PHLPP1: variants seen among roughly 807,000 people sequenced by gnomAD.
PHLPP1 encodes PH domain leucine-rich repeat-containing protein phosphatase 1.
PHLPP1 carries 42 observed loss-of-function variants against 117.2 expected under a neutral mutation model. That is an observed-to-expected ratio of 0.36 (90% confidence interval 0.28 to 0.46). The LOEUF is 0.46. PHLPP1 is among the 20% of genes least tolerant of loss of function. PHLPP1 has a pLI of 1.00. For synonymous variants in PHLPP1, 1,042 were observed against 970.7 expected (o/e 1.07, Z -1.37); for missense variants, 2,084 against 2,241.9 (o/e 0.93, Z 1.42).
At chr18:62,894,501 A>C (rs1169140039) in intron 4 of PHLPP1, among the ~76,000 whole-genome samples, 1 of 152,204 alleles carries the variant, frequency 6.6e-6, no homozygotes, top group African/African-American at 2.4e-5. Flanking sequence ...CCAGCTGATA[A>C]TTGGTTCTTA....
rs35511144 is a variant in PHLPP1, at chr18:62,931,599, C to CAA, written c.2961-10108_2961-10107dup. Among the ~76,000 whole-genome samples, 471 of 141,506 alleles carry CAA rather than the reference C, an allele frequency of 3.3e-3. 1 individual carries two copies. Among genetic ancestry groups the CAA allele is most frequent in the Non-Finnish European group, 4.7e-3 (309 of 65,242 alleles). The allele number at this position is 141,506 out of a possible 152,430, so 92.8% of individuals were successfully genotyped here. Reference sequence around the variant, plus strand: ...ATTGATAGACTACTCGCTAGATTAACAAAAAAAAAAAAGGGCCGGGCACGG... The same window carrying CAA: ...ATTGATAGACTACTCGCTAGATTAACAAAAAAAAAAAAAAGGGCCGGGCACGG... On this transcript the variant is annotated intron_variant, in intron 10 of 16. Transcript: ENST00000262719.
At chr18:62,784,464 C>T (rs886395164) in intron 1 of PHLPP1, among the ~76,000 whole-genome samples, 1 of 152,140 alleles carries the variant, frequency 6.6e-6, no homozygotes, top group Admixed American at 6.5e-5. Context: ...GTTTTGTAGC[C>T]ATACCCATAA....
intron 14 of PHLPP1, among the ~76,000 whole-genome samples, chr18:62,971,602 C>T (rs1290529685): frequency 6.6e-6 from 1 of 152,214 alleles, no homozygotes; most frequent in African/African-American, 2.4e-5. Flanking sequence ...CAGCCTCCAC[C>T]TGGGTCTTCC....
intron 1 of PHLPP1, among the ~76,000 whole-genome samples, chr18:62,728,091 T>C (rs950866609): frequency 6.6e-6 from 1 of 152,058 alleles, no homozygotes; most frequent in African/African-American, 2.4e-5. Context: ...TGTCAGGAGC[T>C]TGAGACCAGC....
At chr18:62,931,598 A>AC (rs1909808972) in intron 10 of PHLPP1, among the ~76,000 whole-genome samples, 1 of 106,658 alleles carries the variant, frequency 9.4e-6, no homozygotes, top group South Asian at 2.7e-4. Context: ...CGCTAGATTA[A>AC]CAAAAAAAAA....
At chr18:62,905,559 A>C (rs964347718) in intron 8 of PHLPP1, among the ~76,000 whole-genome samples, 1 of 152,182 alleles carries the variant, frequency 6.6e-6, no homozygotes, top group Non-Finnish European at 1.5e-5. Flanking sequence ...AAGCTCTAAT[A>C]ACTCTTTTCA....
intron 16 of PHLPP1, among the ~76,000 whole-genome samples, chr18:62,976,550 A>G (rs515469): frequency 6.6e-6 from 1 of 152,008 alleles, no homozygotes; most frequent in African/African-American, 2.4e-5. Context: ...TAAAGTTGAA[A>G]TCAGTGCATT....
At chr18:62,955,876 G>T (rs892217248) in intron 12 of PHLPP1, among the ~76,000 whole-genome samples, 1 of 152,038 alleles carries the variant, frequency 6.6e-6, no homozygotes, top group African/African-American at 2.4e-5. Context: ...TGTCCCATCA[G>T]TGTCCAGTAG....
intron 1 of PHLPP1, among the ~76,000 whole-genome samples, chr18:62,744,409 T>C (rs1286267724): frequency 6.6e-6 from 1 of 152,280 alleles, no homozygotes; most frequent in East Asian, 1.9e-4. Context: ...GTATTTGAGC[T>C]GTTTCACTGT....
Position 62,977,477 on chromosome 18 carries a change from G to A in PHLPP1, c.3985-785G>A, listed in dbSNP as rs936408599. 3.3e-5 allele frequency among the ~76,000 whole-genome samples: 5 copies of A among 149,918 alleles called. No individual in the cohort carries two copies. The East Asian group carries it at 7.8e-4, about 23-fold the overall frequency. ...AACCCAGGTCTTTTTATTGGCAAGT[G>A]GTCTGGCACTTTGGTAATTGATTTA... is the stretch of plus-strand genomic sequence containing the variant. On this transcript the variant is annotated intron_variant, in intron 16 of 16. Coordinates refer to ENST00000262719, the MANE Select transcript of PHLPP1 (RefSeq NM_194449.4).
intron 10 of PHLPP1, among the ~76,000 whole-genome samples, chr18:62,921,154 C>T (rs1237511997): frequency 6.6e-6 from 1 of 152,188 alleles, no homozygotes; most frequent in Non-Finnish European, 1.5e-5. Flanking sequence ...GTGCATCATT[C>T]TCAAGTGTTT....
intron 12 of PHLPP1, among the ~76,000 whole-genome samples, chr18:62,948,992 A>C (rs545152805): frequency 1.5e-4 from 23 of 152,280 alleles, no homozygotes; most frequent in Non-Finnish European, 2.6e-4. Flanking sequence ...TAAACTAAGC[A>C]TATTTTTAAT....
chr18:62,970,404 T>G (rs1177038166), intron 14 of PHLPP1, among the ~76,000 whole-genome samples: 1 of 152,212 alleles, frequency 6.6e-6, no homozygotes, highest in African/African-American at 2.4e-5. Flanking sequence ...TGTTGTTGCC[T>G]CCCAATACCC....
intron 12 of PHLPP1, among the ~76,000 whole-genome samples, chr18:62,952,316 A>T (rs1910486578): frequency 1.3e-5 from 2 of 152,224 alleles, no homozygotes; most frequent in African/African-American, 4.8e-5. Context: ...TATACAGGAT[A>T]CATTTTCTTA....
At chr18:62,921,567 CTG>C (rs1355884214) in intron 10 of PHLPP1, among the ~76,000 whole-genome samples, 1 of 152,170 alleles carries the variant, frequency 6.6e-6, no homozygotes, top group Non-Finnish European at 1.5e-5. Context: ...TGGCCAGTGA[CTG>C]TGTCTTAATT....
At chr18:62,920,181 C>A (rs767017564) in intron 10 of PHLPP1, 67 bp downstream of exon 10, 46 of 1,406,260 alleles carry the variant, frequency 3.3e-5, no homozygotes, top group Non-Finnish European at 4.4e-5. Context: ...CTTTGTCTTT[C>A]GTGACCTGAG....
At chr18:62,811,860 C>T (rs1255099718) in intron 1 of PHLPP1, among the ~76,000 whole-genome samples, 1 of 152,090 alleles carries the variant, frequency 6.6e-6, no homozygotes, top group African/African-American at 2.4e-5. Context: ...TGAATCCAGA[C>T]TCAACATATT....
rs1449992516 is a variant in PHLPP1, at chr18:62,716,163, C to G, written c.480C>G (p.Ser160=). ...HSPGAAGLPA[S]CSASASLCTR... is the part of the protein sequence containing the mutation. ...CCGGCGCTGCCGGCCTCCCCGCCTCCTGCTCGGCCTCGGCGTCGCTGTGCA... is the reference window on the plus strand; with the variant it reads ...CCGGCGCTGCCGGCCTCCCCGCCTCGTGCTCGGCCTCGGCGTCGCTGTGCA... The change falls in exon 1 of 17, where the codon TCC becomes TCG. Residue 160 remains serine (S), a synonymous_variant. Coordinates refer to ENST00000262719, the MANE Select transcript of PHLPP1 (RefSeq NM_194449.4). This position sits in a 1 kb window ranked among gnomAD's most constrained non-coding sequence, Gnocchi z 5.7. 17 of 1,518,794 alleles carry G rather than the reference C, an allele frequency of 1.1e-5. No homozygotes were observed. The highest frequency in any genetic ancestry group is 7.7e-5 in the East Asian group (3 of 38,904). 94.1% of individuals were successfully genotyped at this position (1,518,794 alleles called of 1,614,324 possible).
intron 4 of PHLPP1, among the ~76,000 whole-genome samples, chr18:62,867,205 T>G (rs1222509351): frequency 6.6e-6 from 1 of 152,204 alleles, no homozygotes; most frequent in Non-Finnish European, 1.5e-5. Flanking sequence ...TTGAATCTTT[T>G]GGCTCTTTCT....
Sources: allele counts gnomAD v4.1 joint callset (sites outside exome capture counted in the v4.1 genomes callset), GRCh38; gene constraint gnomAD v4.1.1; non-coding constraint Gnocchi (gnomAD v3.1); transcripts MANE v1.5; gene names NCBI Gene and HGNC (gene_info 2026-07-23, HGNC 2026-07-21).